The following LMNA variants were observed in gnomAD, a reference collection of about 807,000 sequenced individuals.
LMNA encodes lamin A/C.
In LMNA, 20 loss-of-function variants were observed where a neutral mutation model predicts 70.4. The observed-to-expected ratio is 0.28, with a 90% confidence interval of 0.20 to 0.41. The LOEUF (loss-of-function observed/expected upper bound fraction) is 0.41. LMNA is among the 10% of genes least tolerant of loss of function. The pLI is 1.00. For synonymous variants in LMNA, 339 were observed against 372.8 expected, an observed-to-expected ratio of 0.91 and a Z score of 1.04; for missense variants, 652 against 917.2, an observed-to-expected ratio of 0.71 and a Z score of 3.73.
Position 156,135,828 on chromosome 1 carries a change from C to A in LMNA, c.937-73C>A. ...GGAGAGAGTAGCCAGGTGTCTCCTA[C>A]ACCGACCCACGTCCCTCCTTCCCCA... On this transcript the variant is annotated intron_variant, in intron 5 of 11. Transcript: ENST00000368300. The surrounding 1 kb of genome is among the most constrained non-coding windows in gnomAD (Gnocchi z 4.8). 1 of 1,329,982 alleles carries A rather than the reference C, an allele frequency of 7.5e-7. No homozygotes were observed. The highest frequency in any genetic ancestry group is 1.1e-6 in the Non-Finnish European group (1 of 942,634). The allele number at this position is 1,329,982 out of a possible 1,614,324, so 82.4% of individuals were successfully genotyped here.
rs566985577 is a variant in LMNA at position 156,134,195 on chromosome 1, A to C, written c.514-208A>C. Among the ~76,000 whole-genome samples, 1 of 152,024 alleles carries C rather than the reference A, an allele frequency of 6.6e-6. No individual in the cohort carries two copies. The highest frequency in any genetic ancestry group is 1.5e-5 in the Non-Finnish European group (1 of 68,006). On this transcript the variant is annotated intron_variant, in intron 2 of 11. Coordinates refer to ENST00000368300, the MANE Select transcript of LMNA (RefSeq NM_170707.4). This position sits in a 1 kb window ranked among gnomAD's most constrained non-coding sequence, Gnocchi z 5.3. ...CCATCATGCCTGGCTACTTTTTTGTATTAGATATATATTTTCTCTCTTAGC... is the reference window on the plus strand; with the variant it reads ...CCATCATGCCTGGCTACTTTTTTGTCTTAGATATATATTTTCTCTCTTAGC...
intron 1 of LMNA, among the ~76,000 whole-genome samples, chr1:156,116,864 C>T (rs1407155732): frequency 6.6e-6 from 1 of 151,714 alleles, no homozygotes; most frequent in Non-Finnish European, 1.5e-5. Context: ...ACGCTGGGCC[C>T]ATCACCCTTC....
At chr1:156,133,224 G>A (rs1169864663) in intron 2 of LMNA, among the ~76,000 whole-genome samples, 1 of 151,974 alleles carries the variant, frequency 6.6e-6, no homozygotes, top group Non-Finnish European at 1.5e-5. Flanking sequence ...CAATGTGCTG[G>A]GATTATAGGC....
intron 3 of LMNA, among the ~76,000 whole-genome samples, chr1:156,092,713 C>G (rs1439058454): frequency 6.6e-6 from 1 of 151,486 alleles, no homozygotes; most frequent in Non-Finnish European, 1.5e-5. Flanking sequence ...ATGAAATGCC[C>G]CTGATAAAAG....
At chr1:156,127,407 G>T (rs1337267521) in intron 1 of LMNA, among the ~76,000 whole-genome samples, 2 of 151,572 alleles carry the variant, frequency 1.3e-5, no homozygotes, top group Non-Finnish European at 2.9e-5. Context: ...CTCTCTGCTC[G>T]TGGTTTTTCT....
rs1228799143 is a variant in LMNA, at chr1:156,139,951, G to C, written c.*845G>C. 1 of 1,017,050 alleles carries C rather than the reference G, an allele frequency of 9.8e-7. No homozygotes were observed. The highest frequency in any genetic ancestry group is 1.7e-5 in the African/African-American group (1 of 59,150). 63.0% of individuals were successfully genotyped at this position (1,017,050 alleles called of 1,614,324 possible). A position where few individuals can be genotyped will look rare whatever the true frequency, so the allele number is the denominator to read the frequency against. On this transcript the variant is annotated 3_prime_UTR_variant, in exon 12 of 12. Coordinates refer to ENST00000368300, the MANE Select transcript of LMNA (RefSeq NM_170707.4). ...AGGGGAGAGCCTGCTGGCACCCACCGTGGAGGAGGAAGGCAAGAGGGGGTG... is the reference window on the plus strand; with the variant it reads ...AGGGGAGAGCCTGCTGGCACCCACCCTGGAGGAGGAAGGCAAGAGGGGGTG...
rs1381216153 is a variant in LMNA at position 156,134,782 on chromosome 1, T to C, written c.640-23T>C. ...GAACTAATTCTGATTTTGGTTTCTGTGTCCTTCCTCCAACCCTTCCAGGAG... is the reference window on the plus strand; with the variant it reads ...GAACTAATTCTGATTTTGGTTTCTGCGTCCTTCCTCCAACCCTTCCAGGAG... On this transcript the variant is annotated intron_variant, in intron 3 of 11. Coordinates refer to ENST00000368300, the MANE Select transcript of LMNA (RefSeq NM_170707.4). The surrounding 1 kb of genome is among the most constrained non-coding windows in gnomAD (Gnocchi z 5.3). 1 of 1,614,090 alleles carries C rather than the reference T, an allele frequency of 6.2e-7. No homozygotes were observed. Among genetic ancestry groups the C allele is most frequent in the Non-Finnish European group, 8.5e-7 (1 of 1,179,996 alleles).
At chr1:156,116,106 T>A (rs1336913211) in intron 1 of LMNA, among the ~76,000 whole-genome samples, 1 of 152,176 alleles carries the variant, frequency 6.6e-6, no homozygotes, top group Non-Finnish European at 1.5e-5. Context: ...CTGGCCGCAC[T>A]CCTCCCTTGG....
intron 3 of LMNA, among the ~76,000 whole-genome samples, chr1:156,093,299 ATTTT>A (rs758670532): frequency 8.8e-6 from 1 of 113,946 alleles, no homozygotes. Flanking sequence ...TTATATGTCA[ATTTT>A]TTTTTTTTTT....
Position 156,138,320 on chromosome 1 carries a change from C to T in LMNA, c.1699-168C>T, listed in dbSNP as rs1227742421. 1.4e-5 allele frequency: 9 copies of T among 663,480 alleles called. No individual in the cohort carries two copies. Among genetic ancestry groups the T allele is most frequent in the South Asian group, 9.4e-5 (5 of 53,222 alleles). The allele number at this position is 663,480 out of a possible 1,614,324, so 41.1% of individuals were successfully genotyped here. ...TCCCCTTTTATGTCTTCCCTCTCCT[C>T]CTCCGGGCCCCTAGCCTCCCAAACC... is the stretch of plus-strand genomic sequence containing the variant. On this transcript the variant is annotated intron_variant, in intron 10 of 11. Transcript: ENST00000368300. The surrounding 1 kb of genome is among the most constrained non-coding windows in gnomAD (Gnocchi z 5.5).
intron 1 of LMNA, among the ~76,000 whole-genome samples, chr1:156,128,959 C>T (rs1328492880): frequency 2.0e-5 from 3 of 152,220 alleles, no homozygotes; most frequent in Admixed American, 2.0e-4. Context: ...TTTCCCTCCT[C>T]CCCCTGCAGC....
intron 3 of LMNA, among the ~76,000 whole-genome samples, chr1:156,093,299 ATTTTTT>A (rs758670532): frequency 1.8e-5 from 2 of 113,950 alleles, no homozygotes; most frequent in South Asian, 2.7e-4. Flanking sequence ...TTATATGTCA[ATTTTTT>A]TTTTTTTTTT....
At chr1:156,111,542 G>A (rs1380123510), upstream of LMNA, among the ~76,000 whole-genome samples, 1 of 152,090 alleles carries the variant, frequency 6.6e-6, no homozygotes, top group African/African-American at 2.4e-5. Flanking sequence ...CAGACTTCTG[G>A]GATCCCTTTG....
chr1:156,130,446 G>GA (rs1650948156), intron 1 of LMNA, among the ~76,000 whole-genome samples, 171 bp from the exon 2 acceptor site: 1 of 152,134 alleles, frequency 6.6e-6, no homozygotes, highest in Admixed American at 6.5e-5. Context: ...GGGGAGGTGG[G>GA]AGCCCAGCCC....
rs1404811179 is a variant in LMNA at position 156,114,891 on chromosome 1, C to A, written c.-28C>A. On this transcript the variant is annotated 5_prime_UTR_variant, in exon 1 of 12. Transcript: ENST00000368300. Reference sequence around the variant, plus strand: ...CGCGCCCTTTCCGGGACCCCTGCCCCGCGGGCAGCGCTGCCAACCTGCCGG... The same window carrying A: ...CGCGCCCTTTCCGGGACCCCTGCCCAGCGGGCAGCGCTGCCAACCTGCCGG... 2.0e-6 allele frequency: 3 copies of A among 1,485,032 alleles called. No homozygotes were observed. In the South Asian group the frequency reaches 3.9e-5, roughly 19 times the overall value. 92.0% of individuals were successfully genotyped at this position (1,485,032 alleles called of 1,614,324 possible). A position where few individuals can be genotyped will look rare whatever the true frequency, so the allele number is the denominator to read the frequency against.
chr1:156,130,583 T>A (rs764354612), intron 1 of LMNA, 34 bp from the exon 2 acceptor site: 2 of 1,612,250 alleles, frequency 1.2e-6, no homozygotes, highest in African/African-American at 2.7e-5. Flanking sequence ...CACAGACTCC[T>A]TCTCTTAAAT....
At chr1:156,113,577 T>A (rs1649621208), upstream of LMNA, among the ~76,000 whole-genome samples, 1 of 152,148 alleles carries the variant, frequency 6.6e-6, no homozygotes, top group Non-Finnish European at 1.5e-5. Flanking sequence ...TGCTGGCCTT[T>A]GCAGCCAGCA....
intron 1 of LMNA, chr1:156,126,754 G>T: frequency 6.3e-7 from 1 of 1,576,774 alleles, no homozygotes; most frequent in African/African-American, 1.3e-5. Flanking sequence ...GTGATGGGAA[G>T]AGTTAGAAAC....
intron 1 of LMNA, among the ~76,000 whole-genome samples, chr1:156,118,075 C>T (rs973251373): frequency 6.0e-5 from 9 of 150,788 alleles, no homozygotes; most frequent in Admixed American, 5.3e-4. Flanking sequence ...CCTCCTGCCT[C>T]GGCCTCCGGA....
Sources: allele counts gnomAD v4.1 joint callset (sites outside exome capture counted in the v4.1 genomes callset), GRCh38; gene constraint gnomAD v4.1.1; non-coding constraint Gnocchi (gnomAD v3.1); transcripts MANE v1.5; gene names NCBI Gene and HGNC (gene_info 2026-07-23, HGNC 2026-07-21).